Variants in KCNJ6 observed in about 807,000 individuals in gnomAD.
The protein encoded by KCNJ6 is G protein-activated inward rectifier potassium channel 2.
KCNJ6 carries 9 observed loss-of-function variants against 34.2 expected under a neutral mutation model. The observed-to-expected ratio is 0.26, with a 90% CI of 0.16 to 0.46. The LOEUF (loss-of-function observed/expected upper bound fraction) is 0.46. Among genes scored for constraint, KCNJ6 ranks in the 20% least tolerant of loss-of-function variants. The pLI is 1.00. For missense variants in KCNJ6, 236 were observed against 531.3 expected (o/e 0.44, Z 5.46); for synonymous variants, 196 against 207.1 (o/e 0.95, Z 0.46).
intron 3 of KCNJ6, among the ~76,000 whole-genome samples, chr21:37,686,486 GA>G (rs1325969214): frequency 2.2e-4 from 1 of 4,642 alleles, no homozygotes; most frequent in Non-Finnish European, 7.2e-4. Flanking sequence ...TTTTTTTTTG[GA>G]GATGGAGTCT....
chr21:37,667,027 G>A (rs1459615582), intron 3 of KCNJ6, among the ~76,000 whole-genome samples: 1 of 151,314 alleles, frequency 6.6e-6, no homozygotes, highest in African/African-American at 2.4e-5. Flanking sequence ...AGGCCGCAGG[G>A]ACCACTGGCT....
chr21:37,704,754 T>C (rs2123440875), intron 3 of KCNJ6, among the ~76,000 whole-genome samples: 1 of 152,306 alleles, frequency 6.6e-6, no homozygotes, highest in East Asian at 1.9e-4. Flanking sequence ...ATTAGGCTGA[T>C]CAAAGCCTAT....
intron 2 of KCNJ6, among the ~76,000 whole-genome samples, chr21:37,822,519 T>C (rs1428709094): frequency 6.6e-6 from 1 of 152,220 alleles, no homozygotes; most frequent in Non-Finnish European, 1.5e-5. Context: ...TACGGGCTAT[T>C]GTTTTATGCG....
chr21:37,642,897 G>T (rs1349038796), intron 3 of KCNJ6, among the ~76,000 whole-genome samples: 1 of 152,186 alleles, frequency 6.6e-6, no homozygotes, highest in Non-Finnish European at 1.5e-5. Context: ...GTGATCCTGA[G>T]CATGCCCTCT....
chr21:37,716,670 A>G (rs2054793063), intron 2 of KCNJ6, among the ~76,000 whole-genome samples: 1 of 152,186 alleles, frequency 6.6e-6, no homozygotes, highest in South Asian at 2.1e-4. Context: ...AGCATGAGGC[A>G]CCATGTCTAG....
chr21:37,638,927 C>T (rs766728003), intron 3 of KCNJ6, among the ~76,000 whole-genome samples: 8 of 152,214 alleles, frequency 5.3e-5, no homozygotes, highest in Admixed American at 1.3e-4. Context: ...ACTTTCGGAA[C>T]GGTCACATCC....
At chr21:37,766,763 T>A (rs2055093463) in intron 2 of KCNJ6, among the ~76,000 whole-genome samples, 1 of 152,146 alleles carries the variant, frequency 6.6e-6, no homozygotes, top group South Asian at 2.1e-4. Context: ...TGTTAGGAAC[T>A]GGGCCACACA....
rs138059352 is a variant in KCNJ6, at chr21:37,722,020, G to A, written c.26-6889C>T. Among the ~76,000 whole-genome samples the A allele has an allele frequency of 2.5e-3, 387 of 152,308 alleles. 1 individual carries two copies. The East Asian group carries it at 0.04, about 16-fold the overall frequency. ...AGAAGTAAAATGATCTCTCTTTGCT[G>A]ATAATATGATTCTATACCTAAAAAA... On this transcript the variant is annotated intron_variant, in intron 2 of 3. Transcript: ENST00000609713.
At chr21:37,706,558 A>T (rs371295763) in intron 3 of KCNJ6, among the ~76,000 whole-genome samples, 1 of 151,576 alleles carries the variant, frequency 6.6e-6, no homozygotes, top group Non-Finnish European at 1.5e-5. Context: ...AACAGGCTGT[A>T]AACAGCTGCG....
At chr21:37,710,864 C>T (rs2054748193) in intron 3 of KCNJ6, among the ~76,000 whole-genome samples, 1 of 152,168 alleles carries the variant, frequency 6.6e-6, no homozygotes, top group South Asian at 2.1e-4. Flanking sequence ...AAAAATATAT[C>T]TGCAGATGAG....
chr21:37,671,871 G>A (rs898014346), intron 3 of KCNJ6, among the ~76,000 whole-genome samples: 4 of 133,456 alleles, frequency 3.0e-5, no homozygotes, highest in Non-Finnish European at 4.7e-5. Context: ...AGGTCCTTAT[G>A]TATAGAAATT....
chr21:37,898,026 G>A (rs574070805), intron 1 of KCNJ6, among the ~76,000 whole-genome samples: 1 of 152,326 alleles, frequency 6.6e-6, no homozygotes, highest in Non-Finnish European at 1.5e-5. Flanking sequence ...ATTGGGCTGT[G>A]TGTGCTCACT....
intron 2 of KCNJ6, among the ~76,000 whole-genome samples, chr21:37,729,905 T>C (rs913622421): frequency 2.9e-4 from 41 of 140,332 alleles, no homozygotes; most frequent in African/African-American, 1.0e-3. Context: ...AGATGTCATT[T>C]ACTTCATCCT....
chr21:37,735,560 G>T (rs1363480573), intron 2 of KCNJ6, among the ~76,000 whole-genome samples: 1 of 152,192 alleles, frequency 6.6e-6, no homozygotes, highest in Non-Finnish European at 1.5e-5. Context: ...GGAGGTCGGG[G>T]CCAGGGCCAG....
At chr21:37,711,244 A>AC (rs2054750421) in intron 3 of KCNJ6, among the ~76,000 whole-genome samples, 1 of 152,202 alleles carries the variant, frequency 6.6e-6, no homozygotes, top group South Asian at 2.1e-4. Context: ...AGACGGAAGG[A>AC]CCCAGGTGGC....
chr21:37,861,078 A>C (rs1445537306), intron 1 of KCNJ6, among the ~76,000 whole-genome samples: 1 of 152,222 alleles, frequency 6.6e-6, no homozygotes, highest in Admixed American at 6.5e-5. Flanking sequence ...AAAACCACTT[A>C]GAAGGCTGAC....
chr21:37,659,528 C>T (rs553289232), intron 3 of KCNJ6, among the ~76,000 whole-genome samples: 7 of 152,290 alleles, frequency 4.6e-5, no homozygotes, highest in South Asian at 2.1e-4. Flanking sequence ...GAAAGAAGAG[C>T]GGAAAACTAA....
At chr21:37,845,638 T>G (rs1231375934) in intron 1 of KCNJ6, among the ~76,000 whole-genome samples, 1 of 152,236 alleles carries the variant, frequency 6.6e-6, no homozygotes, top group African/African-American at 2.4e-5. Flanking sequence ...TTGTAATCAT[T>G]ATTCCGTTTG....
intron 2 of KCNJ6, among the ~76,000 whole-genome samples, chr21:37,833,641 G>T (rs377453786): frequency 1.8e-4 from 27 of 152,176 alleles, no homozygotes; most frequent in Non-Finnish European, 3.4e-4. Context: ...GACCAGTGTG[G>T]ACAAGTGGCA....
Sources: gnomAD v4.1 joint callset for allele counts (sites outside exome capture counted in the v4.1 genomes callset) on GRCh38, gnomAD v4.1.1 for gene constraint, MANE v1.5 for transcripts, NCBI Gene and HGNC (gene_info 2026-07-23, HGNC 2026-07-21) for gene names.